Variants in TOP2A observed in about 807,000 individuals in gnomAD.
The protein encoded by TOP2A is DNA topoisomerase II alpha.
Under a neutral mutation model 187.2 loss-of-function variants are expected in TOP2A, and 68 were observed. The ratio of observed to expected loss-of-function variants is 0.36; its 90% CI spans 0.30 to 0.44. The LOEUF (loss-of-function observed/expected upper bound fraction) is 0.44. Among genes scored for constraint, TOP2A ranks in the 20% least tolerant of loss-of-function variants. The pLI, the probability that TOP2A is intolerant of heterozygous loss-of-function variation, is 1.00. For missense variants in TOP2A, 1,196 were observed against 1,808.7 expected, an observed-to-expected ratio of 0.66 and a Z score of 6.14; for synonymous variants, 542 against 593.2, an observed-to-expected ratio of 0.91 and a Z score of 1.25.
intron 28 of TOP2A, 144 bp downstream of exon 28, chr17:40,396,139 C>T: frequency 2.0e-6 from 1 of 510,014 alleles, no homozygotes; most frequent in Non-Finnish European, 3.4e-6. Context: ...GCCACCATGC[C>T]CGCCTAATTT....
At chr17:40,396,888 GGTTTTTTTTTT>G (rs940196066) in intron 27 of TOP2A, among the ~76,000 whole-genome samples, 10 of 150,806 alleles carry the variant, frequency 6.6e-5, no homozygotes, top group Admixed American at 2.0e-4. Context: ...AGCTTTTGGT[GGTTTTTTTTTT>G]GTTTTTTTTT....
chr17:40,413,926 G>C (rs546944384), intron 4 of TOP2A, among the ~76,000 whole-genome samples: 1 of 152,104 alleles, frequency 6.6e-6, no homozygotes, highest in African/African-American at 2.4e-5. Flanking sequence ...CAAAGTGTTG[G>C]GGTTATAGAT....
At position 40,391,416 on chromosome 17, in the gene TOP2A, G is replaced by A. The variant is rs79593101; in HGVS notation, c.4267+90C>T. 4.8e-3 allele frequency: 6,056 copies of A among 1,265,790 alleles called. 182 individuals carry two copies. The African/African-American group carries it at 0.065, about 14-fold the overall frequency. 78.4% of individuals were successfully genotyped at this position (1,265,790 alleles called of 1,614,324 possible). A position where few individuals can be genotyped will look rare whatever the true frequency, so the allele number is the denominator to read the frequency against. ...AAACATTTAATCTGTAATATCAATA[G>A]TAAGTTTTGGCAATAAAAAAATTGA... On this transcript the variant is annotated intron_variant, in intron 33 of 34. Coordinates refer to ENST00000423485, the MANE Select transcript of TOP2A (RefSeq NM_001067.4).
rs201408044 is a variant in TOP2A at position 40,417,753 on chromosome 17, C to T, written c.21+18G>A. On this transcript the variant is annotated intron_variant, in intron 1 of 34. Coordinates refer to ENST00000423485, the MANE Select transcript of TOP2A (RefSeq NM_001067.4). ...GCCGCGCGGAGGCTCCACCGCCAGT[C>T]CCCCCCGCGAGCCGTACCTGCAATG... is the stretch of plus-strand genomic sequence containing the variant. 29 of 1,611,848 alleles carry T rather than the reference C, an allele frequency of 1.8e-5. 1 individual carries two copies. In the South Asian group the frequency reaches 1.9e-4, roughly 10 times the overall value.
At chr17:40,409,592 C>A in intron 10 of TOP2A, 1 of 351,004 alleles carries the variant, frequency 2.8e-6, no homozygotes, top group Non-Finnish European at 5.6e-6. Context: ...AACCCCATCT[C>A]TATTAAAAAT....
intron 4 of TOP2A, among the ~76,000 whole-genome samples, chr17:40,413,972 A>G (rs1367802745): frequency 2.0e-5 from 3 of 152,070 alleles, no homozygotes; most frequent in Non-Finnish European, 4.4e-5. Flanking sequence ...TTTTTTTGGC[A>G]CTTTTCATAT....
At chr17:40,403,143 G>T in intron 19 of TOP2A, 89 bp from the exon 20 acceptor site, 1 of 1,253,390 alleles carries the variant, frequency 8.0e-7, no homozygotes. Context: ...GTAACATTTT[G>T]TGAGGTCTAG....
In TOP2A at chr17:40,412,840, A is replaced by C; in HGVS notation, c.708T>G (p.Val236=). ...FKMQSLDKDI[V]ALMVRRAYDI... The stretch of plus-strand genomic sequence containing the variant: ...CATATGCTCTTCTGACCATTAGTGC[A>C]ACAATATCTTTGTCCAGGCTTTGCA... The change falls in exon 7 of 35, where the codon GTT becomes GTG. Residue 236 remains valine, a synonymous_variant. Coordinates refer to ENST00000423485, the MANE Select transcript of TOP2A (RefSeq NM_001067.4). 6.2e-7 allele frequency: 1 copy of C among 1,614,012 alleles called. No homozygotes were observed. Among genetic ancestry groups the C allele is most frequent in the African/African-American group, 1.3e-5 (1 of 75,062 alleles).
At chr17:40,404,582 T>C (rs1239165361) in intron 17 of TOP2A, 91 bp from the exon 18 acceptor site, 2 of 783,594 alleles carry the variant, frequency 2.6e-6, no homozygotes, top group Non-Finnish European at 4.1e-6. Context: ...CTAAGAATTA[T>C]TTCTGTAATT....
At chr17:40,416,681 G>C in intron 2 of TOP2A, 59 bp downstream of exon 2, 4 of 1,569,844 alleles carry the variant, frequency 2.5e-6, no homozygotes, top group Non-Finnish European at 3.5e-6. Context: ...GAAAGGTACA[G>C]AAAGAAGAGT....
chr17:40,398,254 C>CCAT (rs1390314477), intron 27 of TOP2A, among the ~76,000 whole-genome samples: 3 of 151,288 alleles, frequency 2.0e-5, no homozygotes, highest in African/African-American at 4.9e-5. Flanking sequence ...CTGGTATGCA[C>CCAT]CATCATGCCT....
At chr17:40,413,893 G>A (rs1176224799) in intron 4 of TOP2A, among the ~76,000 whole-genome samples, 1 of 152,100 alleles carries the variant, frequency 6.6e-6, no homozygotes, top group Non-Finnish European at 1.5e-5. Context: ...AGCTACTTGG[G>A]AGGCTGAAGC....
In TOP2A at chr17:40,399,027, C is replaced by A; in HGVS notation, c.3288+13G>T. ...AGTCTTTAACAATATAGAAAAGTGC[C>A]ACCCAAGATTACCTTTTGCTGGGCT... On this transcript the variant is annotated intron_variant, in intron 25 of 34. Coordinates refer to ENST00000423485, the MANE Select transcript of TOP2A (RefSeq NM_001067.4). The A allele has an allele frequency of 6.3e-7, 1 of 1,591,788 alleles. No individual in the cohort carries two copies. Among genetic ancestry groups the A allele is most frequent in the Admixed American group, 1.8e-5 (1 of 56,040 alleles).
chr17:40,417,783 C>T lies in TOP2A; in HGVS notation c.9G>A (p.Val3=). ...CCGCGAGCCGTACCTGCAATGGTGA[C>T]ACTTCCATGGTGACGGTCGTGAAGG... is the stretch of plus-strand genomic sequence containing the variant. The part of the protein sequence containing the change: ME[V]SPLQPVNENM... The change falls in exon 1 of 35, where the codon GTG becomes GTA. Residue 3 remains valine (V), a synonymous_variant. Transcript: ENST00000423485. 3 of 1,613,530 alleles carry T rather than the reference C, an allele frequency of 1.9e-6. No homozygotes were observed. Among genetic ancestry groups the T allele is most frequent in the Non-Finnish European group, 1.7e-6 (2 of 1,179,886 alleles).
At position 40,404,545 on chromosome 17, in the gene TOP2A, C is replaced by G. The variant is rs1459400605; in HGVS notation, c.2047-54G>C. 5.7e-6 allele frequency: 6 copies of G among 1,056,040 alleles called. No homozygotes were observed. In the East Asian group the frequency reaches 1.2e-4, roughly 21 times the overall value. The allele number at this position is 1,056,040 out of a possible 1,614,324, so 65.4% of individuals were successfully genotyped here. On this transcript the variant is annotated intron_variant, in intron 17 of 34. Transcript: ENST00000423485. ...CTACCGGTCTAAACAATGCTCAACA[C>G]AAAAATCAAACAGAAACCTTTCAGA... is the stretch of plus-strand genomic sequence containing the variant.
chr17:40,389,903 A>C, intron 34 of TOP2A, 62 bp downstream of exon 34: 1 of 1,488,746 alleles, frequency 6.7e-7, no homozygotes, highest in South Asian at 1.3e-5. Flanking sequence ...TTTAAGAGCA[A>C]TGGCTTAGTT....
At chr17:40,404,029 G>C in intron 19 of TOP2A, 123 bp downstream of exon 19, 2 of 1,287,508 alleles carry the variant, frequency 1.6e-6, no homozygotes, top group Non-Finnish European at 2.1e-6. Flanking sequence ...TCTTTCACAG[G>C]TTTTACCAAC....
chr17:40,416,413 T>C lies in TOP2A; in HGVS notation c.268+9A>G, dbSNP rs919055689. 1.3e-6 allele frequency: 2 copies of C among 1,525,758 alleles called. No individual in the cohort carries two copies. Among genetic ancestry groups the C allele is most frequent in the Non-Finnish European group, 1.8e-6 (2 of 1,116,004 alleles). 94.5% of individuals were successfully genotyped at this position (1,525,758 alleles called of 1,614,324 possible). A position where few individuals can be genotyped will look rare whatever the true frequency, so the allele number is the denominator to read the frequency against. ...TTGACCAGATCTTTATATTAAAGGA[T>C]TTACTCACCTAGAATCTCATCAAAG... On this transcript the variant is annotated intron_variant, in intron 3 of 34. Transcript: ENST00000423485.
At chr17:40,406,740 A>G in intron 14 of TOP2A, 51 bp from the exon 15 acceptor site, 1 of 1,574,324 alleles carries the variant, frequency 6.4e-7, no homozygotes, top group Non-Finnish European at 8.7e-7. Context: ...GGTCCCCTGT[A>G]TACCACTACA....
Sources: gnomAD v4.1 joint callset for allele counts (sites outside exome capture counted in the v4.1 genomes callset) on GRCh38, gnomAD v4.1.1 for gene constraint, MANE v1.5 for transcripts, NCBI Gene and HGNC (gene_info 2026-07-23, HGNC 2026-07-21) for gene names.